Variants in ZNF195 observed in about 807,000 individuals in gnomAD.
ZNF195 encodes zinc finger protein 195.
ZNF195 carries 11 observed loss-of-function variants against 19.5 expected under a neutral mutation model. The ratio of observed to expected loss-of-function variants is 0.57; its 90% CI spans 0.36 to 0.94. The LOEUF (loss-of-function observed/expected upper bound fraction) is 0.94, where lower values mean the gene tolerates loss of function less well. Ranked by LOEUF, ZNF195 falls within the 40% of genes least tolerant of loss-of-function variation. The pLI is 0.01. For missense variants in ZNF195, 582 were observed against 709.0 expected, an observed-to-expected ratio of 0.82 and a Z score of 2.03; for synonymous variants, 214 against 248.1, an observed-to-expected ratio of 0.86 and a Z score of 1.29.
intron 4 of ZNF195, 80 bp from the exon 5 acceptor site, chr11:3,360,868 C>A (rs1341439887): frequency 6.5e-6 from 8 of 1,236,462 alleles, no homozygotes; most frequent in Non-Finnish European, 8.9e-6. Context: ...TAGCATCATG[C>A]CTTTAAGAGT....
intron 1 of ZNF195, among the ~76,000 whole-genome samples, chr11:3,372,603 T>C (rs74563413): frequency 3.2e-4 from 14 of 43,182 alleles, no homozygotes; most frequent in Admixed American, 8.2e-4. Context: ...TGACAAATAT[T>C]TCCCAGGTCC....
Position 3,371,069 on chromosome 11 carries a change from A to T in ZNF195, c.132T>A (p.Gly44=). ...TCAGGCCTGGCTTACAGACAGTGAG[A>T]CCTGTTTTATTAGAAAAAAGTGACA... is the stretch of plus-strand genomic sequence containing the variant. ...LENYRNLFSV[G]LTVCKPGLIT... is the part of the protein sequence containing the mutation. Residue 44 remains glycine, a splice_region_variant and synonymous_variant, in exon 3 of 6, where the codon GGT becomes GGA. Transcript: ENST00000399602. The T allele has an allele frequency of 1.2e-6, 2 of 1,612,630 alleles. No individual in the cohort carries two copies. The highest frequency in any genetic ancestry group is 2.7e-5 in the African/African-American group (2 of 74,980).
chr11:3,370,921 C>T (rs1347010157), intron 3 of ZNF195, 54 bp downstream of exon 3: 13 of 1,585,970 alleles, frequency 8.2e-6, no homozygotes, highest in African/African-American at 4.0e-5. Context: ...CTGGCTTCCT[C>T]CTCGACCTCT....
At position 3,374,763 on chromosome 11, in the gene ZNF195, A is replaced by G. The variant is rs140934614; in HGVS notation, c.4-3060T>C. ...AGTGATAAAAGCTCCAGATAGACCA[A>G]TGGAAGGGATACAGAGGGGATGAAG... is the stretch of plus-strand genomic sequence containing the variant. On this transcript the variant is annotated intron_variant, in intron 1 of 5. Coordinates refer to ENST00000399602, the MANE Select transcript of ZNF195 (RefSeq NM_001130520.3). 3.2e-4 allele frequency among the ~76,000 whole-genome samples: 48 copies of G among 152,322 alleles called. No individual in the cohort carries two copies. The East Asian group carries it at 7.9e-3, about 25-fold the overall frequency.
intron 1 of ZNF195, chr11:3,373,814 C>T: frequency 1.8e-6 from 1 of 568,534 alleles, no homozygotes; most frequent in South Asian, 2.3e-5. Flanking sequence ...ACATGGAGAT[C>T]AAAATGTGAC....
chr11:3,377,666 C>T lies in ZNF195; in HGVS notation c.3+1372G>A, dbSNP rs778531266. 4.7e-5 allele frequency: 58 copies of T among 1,242,960 alleles called. No individual in the cohort carries two copies. In the South Asian group the frequency reaches 7.5e-4, roughly 16 times the overall value. 77.0% of individuals were successfully genotyped at this position (1,242,960 alleles called of 1,614,324 possible). On this transcript the variant is annotated intron_variant, in intron 1 of 5. Coordinates refer to ENST00000399602, the MANE Select transcript of ZNF195 (RefSeq NM_001130520.3). ...GAGATTTCTCTCAGCCCAGGGCATC[C>T]AGCTGCTCCCTGGAGAGGCCACACT...
At chr11:3,367,021 C>T (rs1472210196) in intron 3 of ZNF195, 2 of 443,248 alleles carry the variant, frequency 4.5e-6, no homozygotes, top group Non-Finnish European at 4.5e-6. Context: ...GCTGAGATGG[C>T]ACCACTGCAC....
At chr11:3,374,111 T>C (rs1849343310) in intron 1 of ZNF195, among the ~76,000 whole-genome samples, 1 of 152,218 alleles carries the variant, frequency 6.6e-6, no homozygotes, top group Non-Finnish European at 1.5e-5. Flanking sequence ...GGTGAGGGCC[T>C]TTTTTTGAGT....
chr11:3,362,709 A>C (rs1848691137), intron 3 of ZNF195: 1 of 396,002 alleles, frequency 2.5e-6, no homozygotes, highest in African/African-American at 2.0e-5. Context: ...ATCAAGTAAA[A>C]AAAATACAAT....
Position 3,359,672 on chromosome 11 carries a change from C to T in ZNF195, c.1336G>A (p.Ala446Thr), listed in dbSNP as rs1436112877. 4 of 1,613,698 alleles carry T rather than the reference C, an allele frequency of 2.5e-6. No individual in the cohort carries two copies. The East Asian group carries it at 8.9e-5, about 36-fold the overall frequency. Residue 446 changes from alanine (A) to threonine (T), a missense_variant, in exon 6 of 6, where the codon GCC (alanine) becomes ACC (threonine). Physicochemically the swap from Ala to Thr is moderately conservative, Grantham distance 58 (BLOSUM62 0). Coordinates refer to ENST00000399602, the MANE Select transcript of ZNF195 (RefSeq NM_001130520.3). This position sits in a 1 kb window ranked among gnomAD's most constrained non-coding sequence, Gnocchi z 5.5. ...CTGAGGTGTGAGGACTGTGTATAGG[C>T]TTTCCCACATTCGTCACATTTGTAT... ...KPYKCDECGKAYTQSSHLSEH... is the reference protein window; with the variant it reads ...KPYKCDECGKTYTQSSHLSEH...
At chr11:3,371,344 G>A (rs767625742) in intron 2 of ZNF195, among the ~76,000 whole-genome samples, 16 of 151,784 alleles carry the variant, frequency 1.1e-4, no homozygotes, top group South Asian at 4.1e-4. Flanking sequence ...TTCTGGAATT[G>A]TCACTAGAGT....
chr11:3,377,149 A>G (rs1377357493), intron 1 of ZNF195, among the ~76,000 whole-genome samples: 2 of 152,206 alleles, frequency 1.3e-5, no homozygotes, highest in Non-Finnish European at 2.9e-5. Flanking sequence ...GTATTTTCTT[A>G]CCTTTCAAGC....
chr11:3,371,640 G>T lies in ZNF195; in HGVS notation c.67C>A (p.Leu23Ile), dbSNP rs1365263534. 11 of 1,613,992 alleles carry T rather than the reference G, an allele frequency of 6.8e-6. No individual in the cohort carries two copies. The change falls in exon 2 of 6, where the codon CTC (leucine) becomes ATC (isoleucine). Residue 23 changes from leucine to isoleucine, a missense_variant. Transcript: ENST00000399602. The part of the protein sequence containing the change: ...FSLEEWKCLD[L>I]AQQNLYRDVM... ...TCCCTGTACAAATTCTGCTGAGCGA[G>T]GTCCAGGCATTTCCACTCCTCCAGG...
At chr11:3,374,931 T>A (rs904702202) in intron 1 of ZNF195, among the ~76,000 whole-genome samples, 2 of 152,180 alleles carry the variant, frequency 1.3e-5, no homozygotes, top group Admixed American at 6.5e-5. Context: ...AAAAGAAAAA[T>A]TAAGGCTCCA....
rs1254419767 is a variant in ZNF195 at position 3,359,130 on chromosome 11, G to A, written c.1878C>T (p.Ser626=). The stretch of plus-strand genomic sequence containing the variant: ...GTTTATTTTTTTCTCAAGTATGAAT[G>A]CTTTCATGTACAGTCAGGTGTGAGA... ...TQFSHLTVHE[S]IHT The change falls in exon 6 of 6, where the codon AGC becomes AGT. Residue 626 remains serine (S), a synonymous_variant. Transcript: ENST00000399602. The surrounding 1 kb of genome is among the most constrained non-coding windows in gnomAD (Gnocchi z 5.5). 2.6e-6 allele frequency: 4 copies of A among 1,550,822 alleles called. No homozygotes were observed. Among genetic ancestry groups the A allele is most frequent in the Non-Finnish European group, 3.5e-6 (4 of 1,151,924 alleles).
chr11:3,366,882 T>C, intron 3 of ZNF195: 1 of 451,530 alleles, frequency 2.2e-6, no homozygotes, highest in South Asian at 1.6e-5. Context: ...CTGGGCAACA[T>C]GGCAAAACCC....
In ZNF195 at chr11:3,360,270, A is replaced by G. The variant is rs762477228; in HGVS notation, c.738T>C (p.Cys246=). 7 of 1,613,398 alleles carry G rather than the reference A, an allele frequency of 4.3e-6. No individual in the cohort carries two copies. The Admixed American group carries it at 1.2e-4, about 27-fold the overall frequency. Residue 246 remains cysteine (C), a synonymous_variant, in exon 6 of 6, where the codon TGT becomes TGC. Coordinates refer to ENST00000399602, the MANE Select transcript of ZNF195 (RefSeq NM_001130520.3). ...ISNTGEKPFK[C]QECGKSFQML... ...TTTGAAAGGATTTGCCACATTCTTG[A>G]CATTTGAAAGGTTTCTCTCCAGTAT...
chr11:3,358,782 T>TG lies in ZNF195; in HGVS notation c.*335_*336insC. 1 of 229,308 alleles carries TG rather than the reference T, an allele frequency of 4.4e-6. No homozygotes were observed. Among genetic ancestry groups the TG allele is most frequent in the Non-Finnish European group, 8.4e-6 (1 of 119,326 alleles). The allele number at this position is 229,308 out of a possible 1,614,324, so 14.2% of individuals were successfully genotyped here. ...AACGTGTCCTTGCTTATTTTTCCCATTTAGTGTATTTGCAAAATATCTTTT... is the reference window on the plus strand; with the variant it reads ...AACGTGTCCTTGCTTATTTTTCCCATGTTAGTGTATTTGCAAAATATCTTTT... On this transcript the variant is annotated 3_prime_UTR_variant, in exon 6 of 6. Transcript: ENST00000399602.
chr11:3,377,397 G>A (rs182468530), intron 1 of ZNF195, among the ~76,000 whole-genome samples: 30 of 152,288 alleles, frequency 2.0e-4, no homozygotes, highest in Admixed American at 1.3e-3. Context: ...AGTGTCCCAG[G>A]TGAATTTTGC....
Sources: gnomAD v4.1 joint callset for allele counts (sites outside exome capture counted in the v4.1 genomes callset) on GRCh38, gnomAD v4.1.1 for gene constraint, Gnocchi (gnomAD v3.1) non-coding constraint, MANE v1.5 for transcripts, NCBI Gene and HGNC (gene_info 2026-07-23, HGNC 2026-07-21) for gene names.